The following CCPG1 variants were observed in gnomAD, a reference collection of about 807,000 sequenced individuals.
The protein encoded by CCPG1 is cell cycle progression 1.
Under a neutral mutation model 81.3 loss-of-function variants are expected in CCPG1, and 46 were observed. The observed-to-expected ratio is 0.57, with a 90% CI of 0.45 to 0.72. The LOEUF (loss-of-function observed/expected upper bound fraction) is 0.72, where lower values mean the gene tolerates loss of function less well. Ranked by LOEUF, CCPG1 falls within the 30% of genes least tolerant of loss-of-function variation. CCPG1 has a pLI of 0.00. For synonymous variants in CCPG1, 330 were observed against 305.2 expected, an observed-to-expected ratio of 1.08 and a Z score of -0.85; for missense variants, 902 against 937.6, an observed-to-expected ratio of 0.96 and a Z score of 0.50.
Position 55,371,666 on chromosome 15 carries a change from A to C in CCPG1, c.706+127T>G, listed in dbSNP as rs570026565. On this transcript the variant is annotated intron_variant, in intron 6 of 8. Coordinates refer to ENST00000442196, the MANE Select transcript of CCPG1 (RefSeq NM_001204450.2). ...CCCGAATGAGAAAACTGAGGCTCAAACAGGCTTCAAGTTTTCAAGGCCACA... is the reference window on the plus strand; with the variant it reads ...CCCGAATGAGAAAACTGAGGCTCAACCAGGCTTCAAGTTTTCAAGGCCACA... 1.0e-4 allele frequency: 95 copies of C among 916,530 alleles called. No individual in the cohort carries two copies. In the African/African-American group the frequency reaches 1.4e-3, roughly 14 times the overall value. 56.8% of individuals were successfully genotyped at this position (916,530 alleles called of 1,614,324 possible). A position where few individuals can be genotyped will look rare whatever the true frequency, so the allele number is the denominator to read the frequency against.
At chr15:55,362,640 T>C (rs1382129082) in intron 7 of CCPG1, among the ~76,000 whole-genome samples, 2 of 152,148 alleles carry the variant, frequency 1.3e-5, no homozygotes, top group East Asian at 1.9e-4. Flanking sequence ...GTGCAGTAAA[T>C]ATGATGTTGA....
At position 55,379,810 on chromosome 15, in the gene CCPG1, G is replaced by C. The variant is rs561777341; in HGVS notation, c.176-1434C>G. Reference sequence around the variant, plus strand: ...CACAATATATTTTTAATGAAAAAGAGCATAAAGGCCGGGCACAGTGGCTCA... The same window carrying C: ...CACAATATATTTTTAATGAAAAAGACCATAAAGGCCGGGCACAGTGGCTCA... On this transcript the variant is annotated intron_variant, in intron 3 of 8. Transcript: ENST00000442196. Among the ~76,000 whole-genome samples, 3 of 152,152 alleles carry C rather than the reference G, an allele frequency of 2.0e-5. No individual in the cohort carries two copies. In the South Asian group the frequency reaches 6.2e-4, roughly 32 times the overall value.
rs192095530 is a variant in CCPG1, at chr15:55,382,386, C to T, written c.175+3214G>A. On this transcript the variant is annotated intron_variant, in intron 3 of 8. Transcript: ENST00000442196. ...GTCATTTCAATAATATTCACAGCAT[C>T]TTCACCAAGAGTAGATTGCATCTCA... 8.6e-4 allele frequency among the ~76,000 whole-genome samples: 131 copies of T among 152,268 alleles called. 2 individuals carry two copies. Among genetic ancestry groups the T allele is most frequent in the African/African-American group, 3.1e-3 (128 of 41,560 alleles).
At chr15:55,374,618 G>T (rs1418068307) in intron 5 of CCPG1, among the ~76,000 whole-genome samples, 2 of 152,078 alleles carry the variant, frequency 1.3e-5, no homozygotes, top group Non-Finnish European at 2.9e-5. Flanking sequence ...AACTAAAAGG[G>T]AAAAACAAAA....
chr15:55,383,558 A>G (rs1336597824), intron 3 of CCPG1, among the ~76,000 whole-genome samples: 2 of 152,218 alleles, frequency 1.3e-5, no homozygotes, highest in African/African-American at 2.4e-5. Flanking sequence ...TCTTCTTCCA[A>G]TAGAAAGTTG....
In CCPG1 at chr15:55,373,436, T is replaced by C. The variant is rs562267258; in HGVS notation, c.455-1392A>G. Among the ~76,000 whole-genome samples, 11 of 152,338 alleles carry C rather than the reference T, an allele frequency of 7.2e-5. 1 individual carries two copies. Among genetic ancestry groups the C allele is most frequent in the Non-Finnish European group, 1.3e-4 (9 of 68,032 alleles). ...TAGGTTAGGCAATATTTTTCAGAGATGGATCATGGAGTATTCAGTTCACTT... is the reference window on the plus strand; with the variant it reads ...TAGGTTAGGCAATATTTTTCAGAGACGGATCATGGAGTATTCAGTTCACTT... On this transcript the variant is annotated intron_variant, in intron 5 of 8. Transcript: ENST00000442196.
At chr15:55,363,399 C>T (rs1362956760) in intron 7 of CCPG1, among the ~76,000 whole-genome samples, 1 of 142,524 alleles carries the variant, frequency 7.0e-6, no homozygotes, top group Non-Finnish European at 1.6e-5. Flanking sequence ...AACCAAACTA[C>T]AAACTCTCTC....
chr15:55,374,135 G>C (rs1338370390), intron 5 of CCPG1: 4 of 1,263,684 alleles, frequency 3.2e-6, no homozygotes, highest in African/African-American at 1.5e-5. Context: ...AGAGAAGCTG[G>C]TCAGATTTAG....
intron 5 of CCPG1, among the ~76,000 whole-genome samples, chr15:55,374,916 C>T (rs1377228330): frequency 2.0e-5 from 3 of 152,228 alleles, no homozygotes; most frequent in South Asian, 2.1e-4. Context: ...CTGCCTGCCT[C>T]AGTCTCCCAA....
chr15:55,386,788 T>G (rs1398142113), intron 2 of CCPG1, among the ~76,000 whole-genome samples: 3 of 151,304 alleles, frequency 2.0e-5, no homozygotes, highest in Admixed American at 6.6e-5. Flanking sequence ...TCCCAGCTAC[T>G]CCAGAGGCTG....
chr15:55,388,747 G>C (rs1192096906), intron 2 of CCPG1, among the ~76,000 whole-genome samples: 1 of 150,374 alleles, frequency 6.7e-6, no homozygotes, highest in South Asian at 2.1e-4. Flanking sequence ...CTGGGCAACA[G>C]AGCAAGATCC....
At position 55,378,103 on chromosome 15, in the gene CCPG1, TAG is replaced by T. The variant is rs1339591744; in HGVS notation, c.252+195_252+196del. On this transcript the variant is annotated intron_variant, in intron 4 of 8. Coordinates refer to ENST00000442196, the MANE Select transcript of CCPG1 (RefSeq NM_001204450.2). ...AATCTACTTCCAAAAAGAATTATAT[TAG>T]AGGTGAAAAGATAGATCTTTAACAC... Among the ~76,000 whole-genome samples the T allele has an allele frequency of 8.5e-5, 13 of 152,310 alleles. No individual in the cohort carries two copies. The East Asian group carries it at 1.3e-3, about 16-fold the overall frequency.
intron 3 of CCPG1, among the ~76,000 whole-genome samples, chr15:55,379,639 C>T (rs1223939389): frequency 9.9e-5 from 15 of 151,996 alleles, no homozygotes; most frequent in African/African-American, 3.4e-4. Flanking sequence ...CAAAACCAGC[C>T]TAGGCAACAT....
chr15:55,381,127 A>G (rs2056683341), intron 3 of CCPG1, among the ~76,000 whole-genome samples: 1 of 151,162 alleles, frequency 6.6e-6, no homozygotes, highest in African/African-American at 2.4e-5. Flanking sequence ...ACAGAGCAAG[A>G]CACCATCTCA....
chr15:55,363,085 C>T (rs762171400), intron 7 of CCPG1, among the ~76,000 whole-genome samples: 2 of 151,508 alleles, frequency 1.3e-5, no homozygotes, highest in Admixed American at 6.6e-5. Context: ...CAGTGACTCA[C>T]GCCTGTAATC....
chr15:55,374,109 A>T, intron 5 of CCPG1: 1 of 1,055,216 alleles, frequency 9.5e-7, no homozygotes, highest in Non-Finnish European at 1.3e-6. Context: ...AAATGTGACT[A>T]GGCACACTCA....
Position 55,378,282 on chromosome 15 carries a change from T to G in CCPG1, c.252+18A>C, listed in dbSNP as rs1193359707. 2 of 1,487,356 alleles carry G rather than the reference T, an allele frequency of 1.3e-6. No individual in the cohort carries two copies. The highest frequency in any genetic ancestry group is 4.5e-5 in the East Asian group (2 of 44,208). The allele number at this position is 1,487,356 out of a possible 1,614,324, so 92.1% of individuals were successfully genotyped here. ...GATACTATTTAACATATATCCACAG[T>G]GTAAAATACAAGTTTACCTCAATTG... On this transcript the variant is annotated intron_variant, in intron 4 of 8. Transcript: ENST00000442196.
chr15:55,389,396 G>C lies in CCPG1; in HGVS notation c.29C>G (p.Ser10Ter), dbSNP rs1362848361. The C allele has an allele frequency of 6.2e-7, 1 of 1,611,238 alleles. No individual in the cohort carries two copies. Among genetic ancestry groups the C allele is most frequent in the Admixed American group, 1.7e-5 (1 of 60,014 alleles). MSENSSDSDSSCGWTVISHE... is the reference protein window; with the variant it reads MSENSSDSD Reference sequence around the variant, plus strand: ...ACTGATGACAGTCCAACCACAAGATGAATCACTGTCACTGGAATTTTCAGA... The same window carrying C: ...ACTGATGACAGTCCAACCACAAGATCAATCACTGTCACTGGAATTTTCAGA... Residue 10 changes from serine to a stop codon, truncating the protein, a stop_gained, in exon 2 of 9, where the codon TCA (serine) becomes TGA (stop). Coordinates refer to ENST00000442196, the MANE Select transcript of CCPG1 (RefSeq NM_001204450.2). LOFTEE classifies it high-confidence loss of function.
At chr15:55,379,672 A>AT (rs970265862) in intron 3 of CCPG1, among the ~76,000 whole-genome samples, 4 of 152,230 alleles carry the variant, frequency 2.6e-5, no homozygotes, top group African/African-American at 9.6e-5. Context: ...TCTACCAATA[A>AT]TTTTTTTTAA....
Sources: allele counts gnomAD v4.1 joint callset (sites outside exome capture counted in the v4.1 genomes callset), GRCh38; gene constraint gnomAD v4.1.1; transcripts MANE v1.5; gene names NCBI Gene and HGNC (gene_info 2026-07-23, HGNC 2026-07-21).